Variants in CDH18 observed in about 807,000 individuals in gnomAD.
CDH18 encodes cadherin 18, also known as cadherin-18.
Under a neutral mutation model 67.9 loss-of-function variants are expected in CDH18, and 31 were observed. The ratio of observed to expected loss-of-function variants is 0.46; its 90% CI spans 0.34 to 0.62. The LOEUF is 0.62. Among genes scored for constraint, CDH18 ranks in the 20% least tolerant of loss-of-function variants. CDH18 has a pLI of 0.01. For synonymous variants in CDH18, 362 were observed against 347.2 expected, an observed-to-expected ratio of 1.04 and a Z score of -0.48; for missense variants, 890 against 975.5, an observed-to-expected ratio of 0.91 and a Z score of 1.17.
intron 9 of CDH18, among the ~76,000 whole-genome samples, chr5:19,527,580 A>T (rs930059189): frequency 2.0e-5 from 3 of 151,764 alleles, no homozygotes; most frequent in African/African-American, 7.2e-5. Flanking sequence ...AAAGTTTTAA[A>T]ATAAAGCATT....
At chr5:20,549,168 C>G (rs962348940) in intron 1 of CDH18, among the ~76,000 whole-genome samples, 1 of 152,092 alleles carries the variant, frequency 6.6e-6, no homozygotes, top group African/African-American at 2.4e-5. Context: ...ATAACTTGCT[C>G]TAAATTTTTG....
chr5:20,266,262 G>GACTACT lies in CDH18; in HGVS notation c.-579-10758_-579-10757insAGTAGT, dbSNP rs113509368. On this transcript the variant is annotated intron_variant, in intron 1 of 14. Coordinates refer to the CDH18 transcript ENST00000507958. The stretch of plus-strand genomic sequence containing the variant: ...TGGTTCTATTTCTTTGAAGAACCCT[G>GACTACT]ACACTAGAGAATGCTTTATGCAGGA... Among the ~76,000 whole-genome samples, 10 of 151,544 alleles carry GACTACT rather than the reference G, an allele frequency of 6.6e-5. No individual in the cohort carries two copies. In the East Asian group the frequency reaches 2.0e-3, roughly 30 times the overall value.
intron 11 of CDH18, among the ~76,000 whole-genome samples, chr5:19,498,187 A>G (rs1452177163): frequency 6.6e-6 from 1 of 152,170 alleles, no homozygotes; most frequent in African/African-American, 2.4e-5. Context: ...CATTATCCTT[A>G]TTAATACTAT....
At chr5:20,477,559 G>C (rs1752524479) in intron 1 of CDH18, among the ~76,000 whole-genome samples, 1 of 152,202 alleles carries the variant, frequency 6.6e-6, no homozygotes, top group Non-Finnish European at 1.5e-5. Context: ...GCAGAATTCG[G>C]ATAGAGCCCA....
chr5:20,508,161 A>C (rs1326717730), intron 1 of CDH18, among the ~76,000 whole-genome samples: 1 of 151,622 alleles, frequency 6.6e-6, no homozygotes, highest in Non-Finnish European at 1.5e-5. Flanking sequence ...TAGTCCACTT[A>C]ACATATATCT....
Position 20,103,657 on chromosome 5 carries a change from C to T in CDH18, c.-517-111643G>A, listed in dbSNP as rs181697378. 5.3e-3 allele frequency among the ~76,000 whole-genome samples: 800 copies of T among 150,974 alleles called. 4 individuals are homozygous for T. Among genetic ancestry groups the T allele is most frequent in the Non-Finnish European group, 7.8e-3 (526 of 67,804 alleles). On this transcript the variant is annotated intron_variant, in intron 2 of 14. Transcript: ENST00000507958. ...CTGAGGCAGGAGAATCACTTGAACC[C>T]GGGAGGCAGAGGTTGCAGTGAGTGG...
At chr5:19,801,637 A>C (rs951812371) in intron 3 of CDH18, among the ~76,000 whole-genome samples, 1 of 152,224 alleles carries the variant, frequency 6.6e-6, no homozygotes, top group African/African-American at 2.4e-5. Flanking sequence ...TATTTTTCCC[A>C]AGGGAATATA....
intron 6 of CDH18, among the ~76,000 whole-genome samples, chr5:19,607,935 A>G (rs1190336091): frequency 6.6e-6 from 1 of 151,714 alleles, no homozygotes; most frequent in Non-Finnish European, 1.5e-5. Context: ...ACAATAAAAC[A>G]ATTTTAATCA....
At chr5:19,680,624 C>T (rs533195831) in intron 5 of CDH18, among the ~76,000 whole-genome samples, 131 of 151,846 alleles carry the variant, frequency 8.6e-4, no homozygotes, top group Non-Finnish European at 1.7e-3. Context: ...AGATACTTTT[C>T]GAAAGAGGAC....
At chr5:19,678,174 T>C (rs1484404952) in intron 5 of CDH18, among the ~76,000 whole-genome samples, 1 of 151,648 alleles carries the variant, frequency 6.6e-6, no homozygotes, top group African/African-American at 2.4e-5. Flanking sequence ...AGAATATATA[T>C]TCTTCTCATC....
intron 1 of CDH18, chr5:20,304,548 A>G (rs1736248314): frequency 8.7e-6 from 14 of 1,611,714 alleles, no homozygotes; most frequent in Non-Finnish European, 1.2e-5. Context: ...TGCCAAATAA[A>G]CTGGAGTTTC....
At chr5:19,784,279 T>A (rs1285523859) in intron 3 of CDH18, among the ~76,000 whole-genome samples, 1 of 152,144 alleles carries the variant, frequency 6.6e-6, no homozygotes, top group Non-Finnish European at 1.5e-5. Flanking sequence ...TAACTTGGAA[T>A]CATCTAGAAA....
At chr5:19,985,104 A>G (rs1011656594) in intron 1 of CDH18, among the ~76,000 whole-genome samples, 1 of 152,118 alleles carries the variant, frequency 6.6e-6, no homozygotes, top group African/African-American at 2.4e-5. Context: ...CATTTATACT[A>G]TCTCTCAGTT....
intron 10 of CDH18, among the ~76,000 whole-genome samples, chr5:19,514,569 T>C (rs894276061): frequency 3.3e-5 from 5 of 152,224 alleles, no homozygotes; most frequent in Non-Finnish European, 7.3e-5. Flanking sequence ...CTCATTGCTG[T>C]TTTGATTTGC....
intron 2 of CDH18, among the ~76,000 whole-genome samples, chr5:20,228,487 T>C (rs1225977648): frequency 6.6e-6 from 1 of 151,904 alleles, no homozygotes; most frequent in Non-Finnish European, 1.5e-5. Context: ...ATACTTAACA[T>C]TCAATCTCTC....
intron 2 of CDH18, among the ~76,000 whole-genome samples, chr5:19,993,611 T>A (rs774778208): frequency 6.6e-6 from 1 of 152,084 alleles, no homozygotes; most frequent in Non-Finnish European, 1.5e-5. Context: ...CACACACATA[T>A]ACACACATAT....
upstream of CDH18, among the ~76,000 whole-genome samples, chr5:19,988,388 C>A (rs915589134): frequency 2.0e-5 from 3 of 152,070 alleles, no homozygotes; most frequent in Non-Finnish European, 2.9e-5. Flanking sequence ...CCCCAACCCC[C>A]CACCGTGCAT....
At chr5:20,042,056 T>G (rs79572533) in intron 2 of CDH18, among the ~76,000 whole-genome samples, 1 of 152,214 alleles carries the variant, frequency 6.6e-6, no homozygotes. Context: ...AGTGAAGCTG[T>G]GAGTTGTGTC....
chr5:19,707,126 C>T (rs1431042079), intron 5 of CDH18, among the ~76,000 whole-genome samples: 3 of 152,130 alleles, frequency 2.0e-5, no homozygotes, highest in Non-Finnish European at 4.4e-5. Context: ...TAAAGCCGTA[C>T]TATGAGCCAG....
Sources: allele counts gnomAD v4.1 joint callset (sites outside exome capture counted in the v4.1 genomes callset), GRCh38; gene constraint gnomAD v4.1.1; transcripts MANE v1.5; gene names NCBI Gene and HGNC (gene_info 2026-07-23, HGNC 2026-07-21).